Variants in BOC observed in about 807,000 individuals in gnomAD.
The protein encoded by BOC is brother of CDO.
A neutral mutation model predicts 112.0 loss-of-function variants in BOC; 76 were observed. The observed-to-expected ratio is 0.68, with a 90% CI of 0.56 to 0.82. The LOEUF (loss-of-function observed/expected upper bound fraction) is 0.82, where lower values mean the gene tolerates loss of function less well. Among genes scored for constraint, BOC ranks in the 40% least tolerant of loss-of-function variants. The pLI is 0.00. For missense variants in BOC, 1,309 were observed against 1,511.7 expected (o/e 0.87, Z 2.22); for synonymous variants, 580 against 599.8 (o/e 0.97, Z 0.48).
At chr3:113,271,258 T>A (rs1174213079) in intron 6 of BOC, 1 of 539,614 alleles carries the variant, frequency 1.9e-6, no homozygotes, top group Non-Finnish European at 3.6e-6. Context: ...GGACGGTGGG[T>A]CTTGTCTCAA....
chr3:113,235,025 T>G (rs1943231723), intron 2 of BOC, among the ~76,000 whole-genome samples: 1 of 152,248 alleles, frequency 6.6e-6, no homozygotes, highest in African/African-American at 2.4e-5. Flanking sequence ...GTTCACACAC[T>G]GGTCGCTAGT....
At position 113,278,659 on chromosome 3, in the gene BOC, C is replaced by A; in HGVS notation, c.1706-14C>A. ...TGCTTCCTCCCTTGCTGACTACAAC[C>A]CATTTCCACCCAGGACGGCGGCCCA... On this transcript the variant is annotated splice_polypyrimidine_tract_variant and intron_variant, in intron 10 of 19. Transcript: ENST00000682979. This position sits in a 1 kb window ranked among gnomAD's most constrained non-coding sequence, Gnocchi z 4.2. 6.4e-7 allele frequency: 1 copy of A among 1,552,854 alleles called. No homozygotes were observed. The highest frequency in any genetic ancestry group is 8.7e-7 in the Non-Finnish European group (1 of 1,146,990).
chr3:113,237,373 A>G (rs1943706025), intron 2 of BOC, among the ~76,000 whole-genome samples: 1 of 151,840 alleles, frequency 6.6e-6, no homozygotes, highest in Non-Finnish European at 1.5e-5. Flanking sequence ...TTCTCACTCC[A>G]TACTTTCTTA....
chr3:113,256,123 C>T (rs770203838), intron 4 of BOC, among the ~76,000 whole-genome samples: 18 of 152,128 alleles, frequency 1.2e-4, no homozygotes, highest in African/African-American at 2.7e-4. Context: ...TTTATTTGTT[C>T]GCCCATGTGG....
chr3:113,260,753 GGTTTTC>G (rs1946786768), intron 4 of BOC, among the ~76,000 whole-genome samples: 1 of 151,566 alleles, frequency 6.6e-6, no homozygotes, highest in Non-Finnish European at 1.5e-5. Flanking sequence ...GAACAGAACA[GGTTTTC>G]ACCATTCAAT....
chr3:113,263,773 T>G (rs1185427403), intron 4 of BOC, among the ~76,000 whole-genome samples: 1 of 152,258 alleles, frequency 6.6e-6, no homozygotes, highest in Non-Finnish European at 1.5e-5. Flanking sequence ...TAGAAGGTGG[T>G]GAGAAAGAAA....
intron 15 of BOC, among the ~76,000 whole-genome samples, chr3:113,282,693 G>A (rs1949306827): frequency 6.6e-6 from 1 of 152,074 alleles, no homozygotes; most frequent in Non-Finnish European, 1.5e-5. Flanking sequence ...AGAGAGTACA[G>A]ACGGGAGGAA....
chr3:113,278,637 T>C lies in BOC; in HGVS notation c.1706-36T>C. The C allele has an allele frequency of 6.6e-7, 1 of 1,514,234 alleles. No homozygotes were observed. The highest frequency in any genetic ancestry group is 9.0e-7 in the Non-Finnish European group (1 of 1,113,174). 93.8% of individuals were successfully genotyped at this position (1,514,234 alleles called of 1,614,324 possible). On this transcript the variant is annotated intron_variant, in intron 10 of 19. Transcript: ENST00000682979. The surrounding 1 kb of genome is among the most constrained non-coding windows in gnomAD (Gnocchi z 4.2). ...TGTGGGAGGGAGATCTCATGCCTGCTTCCTCCCTTGCTGACTACAACCCAT... is the reference window on the plus strand; with the variant it reads ...TGTGGGAGGGAGATCTCATGCCTGCCTCCTCCCTTGCTGACTACAACCCAT...
chr3:113,218,114 G>A (rs1939825510), intron 2 of BOC, among the ~76,000 whole-genome samples: 1 of 152,208 alleles, frequency 6.6e-6, no homozygotes, highest in African/African-American at 2.4e-5. Flanking sequence ...CTGCTAAGAG[G>A]AAGATAGCAC....
chr3:113,272,111 C>T, intron 6 of BOC: 1 of 475,802 alleles, frequency 2.1e-6, no homozygotes, highest in Non-Finnish European at 3.8e-6. Context: ...TCTACACTCC[C>T]TCACCTTTCT....
At chr3:113,219,904 C>G (rs1280271737) in intron 2 of BOC, among the ~76,000 whole-genome samples, 1 of 152,180 alleles carries the variant, frequency 6.6e-6, no homozygotes, top group East Asian at 1.9e-4. Flanking sequence ...TTTCTTCCCC[C>G]CTCCCCTGGG....
At chr3:113,219,224 A>G (rs965103735) in intron 2 of BOC, among the ~76,000 whole-genome samples, 2 of 152,104 alleles carry the variant, frequency 1.3e-5, no homozygotes, top group Admixed American at 6.6e-5. Flanking sequence ...GCAGGCTTTC[A>G]CCCCATCGCT....
chr3:113,242,126 A>C (rs1576387037), intron 2 of BOC, among the ~76,000 whole-genome samples: 1 of 152,032 alleles, frequency 6.6e-6, no homozygotes, highest in Non-Finnish European at 1.5e-5. Context: ...CAAAAACAAA[A>C]AAAAAAAAAG....
chr3:113,264,649 C>G (rs925151764), intron 4 of BOC, among the ~76,000 whole-genome samples: 2 of 152,266 alleles, frequency 1.3e-5, no homozygotes, highest in South Asian at 4.2e-4. Flanking sequence ...AACTCCCCAC[C>G]CCTCCCTGGC....
At position 113,278,536 on chromosome 3, in the gene BOC, A is replaced by G; in HGVS notation, c.1706-137A>G. On this transcript the variant is annotated intron_variant, in intron 10 of 19. Coordinates refer to ENST00000682979, the MANE Select transcript of BOC (RefSeq NM_001378074.1). This position sits in a 1 kb window ranked among gnomAD's most constrained non-coding sequence, Gnocchi z 4.2. ...ACCAGTCTCGGCCGAGGCTGAGCCCACACCCTCAGTGCCCCGGATGCTTAT... is the reference window on the plus strand; with the variant it reads ...ACCAGTCTCGGCCGAGGCTGAGCCCGCACCCTCAGTGCCCCGGATGCTTAT... 1 of 827,162 alleles carries G rather than the reference A, an allele frequency of 1.2e-6. No individual in the cohort carries two copies. Among genetic ancestry groups the G allele is most frequent in the Non-Finnish European group, 1.9e-6 (1 of 515,768 alleles). 51.2% of individuals were successfully genotyped at this position (827,162 alleles called of 1,614,324 possible). A position where few individuals can be genotyped will look rare whatever the true frequency, so the allele number is the denominator to read the frequency against.
Position 113,278,901 on chromosome 3 carries a change from C to A in BOC, c.1816+118C>A. 1.2e-6 allele frequency: 1 copy of A among 811,728 alleles called. No homozygotes were observed. Among genetic ancestry groups the A allele is most frequent in the South Asian group, 1.7e-5 (1 of 60,320 alleles). 50.3% of individuals were successfully genotyped at this position (811,728 alleles called of 1,614,324 possible). ...GGTCCAGGGTTTTTATGACATCTCC[C>A]AGTTAACCACAATGAGGAAATGTAG... is the stretch of plus-strand genomic sequence containing the variant. On this transcript the variant is annotated intron_variant, in intron 11 of 19. Transcript: ENST00000682979. This position sits in a 1 kb window ranked among gnomAD's most constrained non-coding sequence, Gnocchi z 4.2.
chr3:113,281,137 G>A lies in BOC; in HGVS notation c.2418G>A (p.Met806Ile). ...GGGAGAGCGAGTTCAGCAACGTGAT[G>A]ATCTGTGAGACCAAAGGTGAAGCTC... The part of the protein sequence containing the change: ...EGGESEFSNV[M>I]ICETKARKSS... The change falls in exon 15 of 20, where the codon ATG becomes ATA. Residue 806 changes from methionine (M) to isoleucine (I), a missense_variant. Coordinates refer to ENST00000682979, the MANE Select transcript of BOC (RefSeq NM_001378074.1). 2.5e-6 allele frequency: 4 copies of A among 1,614,184 alleles called. No homozygotes were observed. The highest frequency in any genetic ancestry group is 3.4e-6 in the Non-Finnish European group (4 of 1,180,044).
rs1483933235 is a variant in BOC, at chr3:113,286,697, T to C, written c.3183T>C (p.Leu1061=). 20 of 1,600,776 alleles carry C rather than the reference T, an allele frequency of 1.2e-5. No individual in the cohort carries two copies. Among genetic ancestry groups the C allele is most frequent in the Non-Finnish European group, 1.7e-5 (20 of 1,174,618 alleles). The change falls in exon 20 of 20, where the codon CTT becomes CTC. Residue 1061 remains leucine, a synonymous_variant. Transcript: ENST00000682979. ...CAGGGCCCCCATGCTGCTTGGGCCT[T>C]GTGCCAGTTGAAGAGGTGGACAGTC... ...FHSGPPCCLG[L]VPVEEVDSPD... is the part of the protein sequence containing the mutation.
At chr3:113,232,184 A>G (rs1942721011) in intron 2 of BOC, among the ~76,000 whole-genome samples, 1 of 152,146 alleles carries the variant, frequency 6.6e-6, no homozygotes, top group Non-Finnish European at 1.5e-5. Context: ...TGCCTGATCC[A>G]GCTGGCAAGG....
Sources: allele counts gnomAD v4.1 joint callset (sites outside exome capture counted in the v4.1 genomes callset), GRCh38; gene constraint gnomAD v4.1.1; non-coding constraint Gnocchi (gnomAD v3.1); transcripts MANE v1.5; gene names NCBI Gene and HGNC (gene_info 2026-07-23, HGNC 2026-07-21).